Variants in BRCA2 observed in about 807,000 individuals in gnomAD.
The protein encoded by BRCA2 is breast cancer type 2 susceptibility protein.
Under a neutral mutation model 276.7 loss-of-function variants are expected in BRCA2, and 203 were observed. The ratio of observed to expected loss-of-function variants is 0.73; its 90% CI spans 0.65 to 0.82. The LOEUF is 0.82. Ranked by LOEUF, BRCA2 falls within the 40% of genes least tolerant of loss-of-function variation. The probability of loss-of-function intolerance (pLI) is 0.00; values close to 1 mark genes in which losing one functional copy is unlikely to be tolerated. For missense variants in BRCA2, 3,920 were observed against 3,915.0 expected (o/e 1.00, Z -0.03); for synonymous variants, 1,289 against 1,338.4 (o/e 0.96, Z 0.81).
At chr13:32,387,998 TG>T (rs1266025852) in intron 24 of BRCA2, among the ~76,000 whole-genome samples, 1 of 152,314 alleles carries the variant, frequency 6.6e-6, no homozygotes. Context: ...AGTGGTCCCC[TG>T]GGTCCAGCTG....
rs117030310 is a variant in BRCA2, at chr13:32,353,411, A to T, written c.7008-1450A>T. ...GGGGATCCTTTTAAACATAAGACAGATTATGTCATTTCTTTACTCAGAACT... is the reference window on the plus strand; with the variant it reads ...GGGGATCCTTTTAAACATAAGACAGTTTATGTCATTTCTTTACTCAGAACT... On this transcript the variant is annotated intron_variant, in intron 13 of 26. Transcript: ENST00000380152. Among the ~76,000 whole-genome samples the T allele has an allele frequency of 1.6e-4, 25 of 152,298 alleles. No homozygotes were observed. The East Asian group carries it at 4.8e-3, about 29-fold the overall frequency.
At chr13:32,322,078 T>C (rs1206917008) in intron 3 of BRCA2, among the ~76,000 whole-genome samples, 2 of 152,254 alleles carry the variant, frequency 1.3e-5, no homozygotes, top group African/African-American at 2.4e-5. Context: ...TAATGTCGTA[T>C]ATCTGCCATT....
At chr13:32,371,518 A>T (rs1412790716) in intron 20 of BRCA2, among the ~76,000 whole-genome samples, 3 of 151,912 alleles carry the variant, frequency 2.0e-5, no homozygotes, top group Non-Finnish European at 4.4e-5. Context: ...GTTTTTCTGC[A>T]TTTCCTCATG....
chr13:32,379,788 T>G lies in BRCA2; in HGVS notation c.8992T>G (p.Ser2998Ala). 1 of 1,612,784 alleles carries G rather than the reference T, an allele frequency of 6.2e-7. No homozygotes were observed. Among genetic ancestry groups the G allele is most frequent in the Middle Eastern group, 1.7e-4 (1 of 6,054 alleles). Residue 2998 changes from serine to alanine, a missense_variant, in exon 23 of 27, where the codon TCT (serine) becomes GCT (alanine). Coordinates refer to ENST00000380152, the MANE Select transcript of BRCA2 (RefSeq NM_000059.4). ...TTGGCGTCCATCATCAGATTTATATTCTCTGTTAACAGAAGGAAAGAGATA... is the reference window on the plus strand; with the variant it reads ...TTGGCGTCCATCATCAGATTTATATGCTCTGTTAACAGAAGGAAAGAGATA... ...SIWRPSSDLY[S>A]LLTEGKRYRI...
rs786202527 is a variant in BRCA2, at chr13:32,362,531, G to A, written c.7814G>A (p.Cys2605Tyr). Residue 2605 changes from cysteine (C) to tyrosine (Y), a missense_variant, in exon 17 of 27, where the codon TGT becomes TAT. Around this residue, in one of 2 missense-constraint regions of BRCA2, gnomAD observed 3,263 missense variants for 3,156.9 expected, o/e 1.03. Coordinates refer to ENST00000380152, the MANE Select transcript of BRCA2 (RefSeq NM_000059.4). The part of the protein sequence containing the change: ...AGKEEFYRAL[C>Y]DTPGVDPKLI... ...TACTTTTATTTGTTCAGGGCTCTGT[G>A]TGACACTCCAGGTGTGGATCCAAAG... The A allele has an allele frequency of 6.2e-7, 1 of 1,613,748 alleles. No individual in the cohort carries two copies. The highest frequency in any genetic ancestry group is 2.2e-5 in the East Asian group (1 of 44,874).
At position 32,369,377 on chromosome 13, in the gene BRCA2, A is replaced by G. The variant is rs142624070; in HGVS notation, c.8332-1025A>G. 7.7e-4 allele frequency among the ~76,000 whole-genome samples: 117 copies of G among 152,226 alleles called. 1 individual carries two copies. The highest frequency in any genetic ancestry group is 2.7e-3 in the African/African-American group (113 of 41,518). On this transcript the variant is annotated intron_variant, in intron 18 of 26. Transcript: ENST00000380152. Reference sequence around the variant, plus strand: ...ATTTCTTCCTATTTTCAGCCCCACCATATGCTCCTGCCTTCACAGGTACCT... The same window carrying G: ...ATTTCTTCCTATTTTCAGCCCCACCGTATGCTCCTGCCTTCACAGGTACCT...
chr13:32,394,707 A>T lies in BRCA2; in HGVS notation c.9275A>T (p.Tyr3092Phe), dbSNP rs80359195. The T allele has an allele frequency of 1.9e-6, 3 of 1,613,410 alleles. No homozygotes were observed. In the Admixed American group the frequency reaches 5.0e-5, roughly 27 times the overall value. Residue 3092 changes from tyrosine to phenylalanine, a missense_variant, in exon 25 of 27, where the codon TAT becomes TTT. By Grantham distance (22) the Tyr-to-Phe change is conservative. Transcript: ENST00000380152. ...VKKTGLAPFV[Y>F]LSDECYNLLA... ...ATTCTAGGACTTGCCCCTTTCGTCT[A>T]TTTGTCAGACGAATGTTACAATTTA...
chr13:32,367,445 A>G (rs1008569220), intron 18 of BRCA2, among the ~76,000 whole-genome samples: 4 of 151,982 alleles, frequency 2.6e-5, no homozygotes, highest in Non-Finnish European at 4.4e-5. Context: ...TCAAAGAAAA[A>G]AAAAAGGATA....
rs536936252 is a variant in BRCA2 at position 32,318,914 on chromosome 13, C to T, written c.68-163C>T. Among the ~76,000 whole-genome samples, 7 of 152,238 alleles carry T rather than the reference C, an allele frequency of 4.6e-5. No homozygotes were observed. In the South Asian group the frequency reaches 6.2e-4, roughly 14 times the overall value. On this transcript the variant is annotated intron_variant, in intron 2 of 26. Transcript: ENST00000380152. ...CTCTTGTTACACCTTTCTATAGATT[C>T]GCAAGAGAATGGATTAATGATCTTG...
rs1593904638 is a variant in BRCA2, at chr13:32,339,529, C to T, written c.5174C>T (p.Ala1725Val). ...GAAAATAATTCAAACAGTACTATAG[C>T]TGAAAATGACAAAAATCATCTCTCC... is the stretch of plus-strand genomic sequence containing the variant. ...LYENNSNSTI[A>V]ENDKNHLSEK... The change falls in exon 11 of 27, where the codon GCT becomes GTT. Residue 1725 changes from alanine to valine, a missense_variant. Physicochemically the swap from Ala to Val is moderately conservative, Grantham distance 64. Coordinates refer to ENST00000380152, the MANE Select transcript of BRCA2 (RefSeq NM_000059.4). 1.2e-6 allele frequency: 2 copies of T among 1,603,762 alleles called. No individual in the cohort carries two copies.
rs554933370 is a variant in BRCA2, at chr13:32,353,385, G to A, written c.7008-1476G>A. Among the ~76,000 whole-genome samples, 22 of 152,214 alleles carry A rather than the reference G, an allele frequency of 1.4e-4. No homozygotes were observed. In the South Asian group the frequency reaches 3.3e-3, roughly 23 times the overall value. ...ACAGTGAATTCTCAACAAAGAAGCC[G>A]GGGGATCCTTTTAAACATAAGACAG... On this transcript the variant is annotated intron_variant, in intron 13 of 26. Transcript: ENST00000380152.
intron 8 of BRCA2, among the ~76,000 whole-genome samples, chr13:32,329,693 A>G (rs1276759659): frequency 2.0e-5 from 3 of 152,106 alleles, no homozygotes; most frequent in African/African-American, 7.2e-5. Flanking sequence ...CATATATACA[A>G]TATATACCGT....
intron 2 of BRCA2, 110 bp downstream of exon 2, chr13:32,316,637 T>C: frequency 1.1e-6 from 1 of 907,498 alleles, no homozygotes; most frequent in Non-Finnish European, 1.8e-6. Flanking sequence ...CATAAACTGT[T>C]CCTTATGTGT....
rs1593898237 is a variant in BRCA2 at position 32,337,317 on chromosome 13, G to T, written c.2962G>T (p.Asp988Tyr). ...NIDKIPEKNN[D>Y]YMNKWAGLLG... ...AGATAAAATACCAGAAAAAAATAAT[G>T]ATTACATGAACAAATGGGCAGGACT... is the stretch of plus-strand genomic sequence containing the variant. The change falls in exon 11 of 27, where the codon GAT becomes TAT. Residue 988 changes from aspartate (D) to tyrosine (Y), a missense_variant. Around this residue, in one of 2 missense-constraint regions of BRCA2, gnomAD observed 3,263 missense variants for 3,156.9 expected, o/e 1.03. Transcript: ENST00000380152. 1 of 1,613,320 alleles carries T rather than the reference G, an allele frequency of 6.2e-7. No homozygotes were observed. The highest frequency in any genetic ancestry group is 1.1e-5 in the South Asian group (1 of 90,836).
In BRCA2 at chr13:32,371,231, T is replaced by TC. The variant is rs201392123; in HGVS notation, c.8632+132dup. ...AGTAAATTGACTTTATTTTTTAGTA[T>TC]CTAGGGTATTCTTTTTTGGTGTTAG... On this transcript the variant is annotated intron_variant, in intron 20 of 26. Transcript: ENST00000380152. The TC allele has an allele frequency of 1.7e-3, 1,559 of 918,952 alleles. 13 individuals carry two copies. The African/African-American group carries it at 0.024, about 14-fold the overall frequency. The allele number at this position is 918,952 out of a possible 1,614,324, so 56.9% of individuals were successfully genotyped here.
intron 17 of BRCA2, 32 bp from the exon 18 acceptor site, chr13:32,363,146 TC>T: frequency 6.4e-7 from 1 of 1,559,934 alleles, no homozygotes; most frequent in Non-Finnish European, 8.8e-7. Flanking sequence ...GAGTCACACT[TC>T]CTAAAATATG....
At chr13:32,397,232 G>A (rs1277119450) in intron 26 of BRCA2, among the ~76,000 whole-genome samples, 188 bp downstream of exon 26, 1 of 152,174 alleles carries the variant, frequency 6.6e-6, no homozygotes, top group Non-Finnish European at 1.5e-5. Context: ...GAAACTCTGG[G>A]TGCACACTTT....
At chr13:32,391,307 G>A (rs1290433019) in intron 24 of BRCA2, among the ~76,000 whole-genome samples, 2 of 152,192 alleles carry the variant, frequency 1.3e-5, no homozygotes, top group Non-Finnish European at 2.9e-5. Context: ...AATGCAGCAG[G>A]ATTGGGCAGA....
At chr13:32,347,933 G>C (rs961015134) in intron 13 of BRCA2, among the ~76,000 whole-genome samples, 1 of 152,122 alleles carries the variant, frequency 6.6e-6, no homozygotes, top group Non-Finnish European at 1.5e-5. Flanking sequence ...GTCATTGGAA[G>C]AAAGCTACTA....
Sources: allele counts gnomAD v4.1 joint callset (sites outside exome capture counted in the v4.1 genomes callset), GRCh38; gene constraint gnomAD v4.1.1; regional missense constraint gnomAD v4.1.1; transcripts MANE v1.5; gene names NCBI Gene and HGNC (gene_info 2026-07-23, HGNC 2026-07-21).